Variants in MAD1L1 observed in about 807,000 individuals in gnomAD.
MAD1L1 encodes mitotic spindle assembly checkpoint protein MAD1.
Under a neutral mutation model 96.9 loss-of-function variants are expected in MAD1L1, and 95 were observed. The ratio of observed to expected loss-of-function variants is 0.98; its 90% CI spans 0.83 to 1.16. MAD1L1 has a LOEUF of 1.16. Among genes scored for constraint, MAD1L1 ranks in the 50% most tolerant of loss-of-function variants. MAD1L1 has a pLI of 0.00. For synonymous variants in MAD1L1, 473 were observed against 396.6 expected, an observed-to-expected ratio of 1.19 and a Z score of -2.29; for missense variants, 1,007 against 954.4, an observed-to-expected ratio of 1.06 and a Z score of -0.73.
intron 14 of MAD1L1, among the ~76,000 whole-genome samples, chr7:1,985,189 GC>G (rs1285177476): frequency 6.6e-6 from 1 of 152,224 alleles, no homozygotes; most frequent in Non-Finnish European, 1.5e-5. Flanking sequence ...TCAGCAGACG[GC>G]CCCGGGCAGC....
intron 10 of MAD1L1, among the ~76,000 whole-genome samples, chr7:2,180,437 C>T (rs759478511): frequency 5.3e-5 from 8 of 152,160 alleles, no homozygotes; most frequent in African/African-American, 7.2e-5. Flanking sequence ...TAAAGCATGC[C>T]GAACTTCCAG....
intron 10 of MAD1L1, among the ~76,000 whole-genome samples, chr7:2,169,692 G>C (rs544812010): frequency 1.2e-4 from 19 of 152,308 alleles, no homozygotes; most frequent in African/African-American, 4.6e-4. Flanking sequence ...AGACCCACAG[G>C]GGGCACATGG....
chr7:1,885,139 G>A (rs539502969), intron 18 of MAD1L1, among the ~76,000 whole-genome samples: 2 of 152,304 alleles, frequency 1.3e-5, no homozygotes, highest in Admixed American at 1.3e-4. Context: ...TAGCAGGACA[G>A]GGGAAGAGAA....
chr7:2,008,826 A>G (rs1782156519), intron 13 of MAD1L1, among the ~76,000 whole-genome samples: 1 of 113,444 alleles, frequency 8.8e-6, no homozygotes, highest in Admixed American at 8.7e-5. Context: ...GACACGCAGG[A>G]AGCTCAGGTG....
chr7:1,919,047 C>A (rs1389890710), intron 17 of MAD1L1, among the ~76,000 whole-genome samples: 1 of 152,262 alleles, frequency 6.6e-6, no homozygotes, highest in Non-Finnish European at 1.5e-5. Flanking sequence ...TGATCCGGCC[C>A]CTCCCCAGCA....
chr7:1,836,242 G>A (rs1782932137), intron 18 of MAD1L1, among the ~76,000 whole-genome samples: 1 of 151,916 alleles, frequency 6.6e-6, no homozygotes, highest in South Asian at 2.1e-4. Context: ...GGCTGTTCTT[G>A]AACTCCTGAT....
At chr7:2,184,800 G>A (rs191489104) in intron 10 of MAD1L1, among the ~76,000 whole-genome samples, 68 of 152,186 alleles carry the variant, frequency 4.5e-4, no homozygotes, top group Admixed American at 2.6e-3. Flanking sequence ...TCAGAAGTTC[G>A]AGACCAGCCT....
chr7:1,999,401 G>A lies in MAD1L1; in HGVS notation c.1416+2664C>T, dbSNP rs767147773. Among the ~76,000 whole-genome samples the A allele has an allele frequency of 1.2e-3, 190 of 152,146 alleles. 1 individual carries two copies. The highest frequency in any genetic ancestry group is 6.8e-3 in the Middle Eastern group (2 of 294). ...CCGCTGAGCAAAGCGTCACATCTCC[G>A]CCTCCCTCCCTCCACTGCGCTCCCC... is the stretch of plus-strand genomic sequence containing the variant. On this transcript the variant is annotated intron_variant, in intron 14 of 18. Coordinates refer to ENST00000265854, the MANE Select transcript of MAD1L1 (RefSeq NM_001013836.2).
chr7:1,860,186 G>A (rs1583579840), intron 18 of MAD1L1, among the ~76,000 whole-genome samples: 1 of 144,000 alleles, frequency 6.9e-6, no homozygotes, highest in Non-Finnish European at 1.5e-5. Context: ...GGCGGCCTCT[G>A]TGTCCCTAGA....
intron 11 of MAD1L1, among the ~76,000 whole-genome samples, chr7:2,074,214 A>G (rs1438316494): frequency 1.3e-5 from 2 of 151,946 alleles, no homozygotes; most frequent in African/African-American, 4.8e-5. Flanking sequence ...CCTCCATTCT[A>G]CTGGGGTGGG....
chr7:2,225,638 G>A (rs929322114), intron 3 of MAD1L1, 88 bp from the exon 4 acceptor site: 1 of 1,420,308 alleles, frequency 7.0e-7, no homozygotes, highest in Non-Finnish European at 9.6e-7. Context: ...CACACTCCCT[G>A]AGGACCCATT....
intron 12 of MAD1L1, among the ~76,000 whole-genome samples, chr7:2,025,532 G>GT (rs1177042683): frequency 6.6e-6 from 1 of 152,098 alleles, no homozygotes; most frequent in Non-Finnish European, 1.5e-5. Flanking sequence ...CATTAAATCT[G>GT]TATCAAAGGA....
chr7:1,848,045 G>A (rs372176338), intron 18 of MAD1L1: 11 of 338,542 alleles, frequency 3.2e-5, no homozygotes, highest in African/African-American at 1.3e-4. Context: ...GAGTCCCAGC[G>A]TGGGATGTGG....
chr7:1,959,998 A>C (rs1779886568), intron 15 of MAD1L1, among the ~76,000 whole-genome samples: 1 of 152,252 alleles, frequency 6.6e-6, no homozygotes, highest in East Asian at 1.9e-4. Flanking sequence ...GGGATTTAAT[A>C]TATAGAATAA....
chr7:2,185,482 T>C (rs1791415348), intron 10 of MAD1L1, among the ~76,000 whole-genome samples: 1 of 152,180 alleles, frequency 6.6e-6, no homozygotes, highest in South Asian at 2.1e-4. Context: ...ATCTGTCCAT[T>C]TCACTGTATG....
chr7:2,232,105 A>C (rs1340489744), intron 1 of MAD1L1, among the ~76,000 whole-genome samples: 1 of 152,084 alleles, frequency 6.6e-6, no homozygotes, highest in East Asian at 1.9e-4. Context: ...AGAACTTTGC[A>C]CCCCCAACAC....
chr7:2,122,365 C>T (rs533031795), intron 11 of MAD1L1, among the ~76,000 whole-genome samples: 3 of 152,324 alleles, frequency 2.0e-5, no homozygotes, highest in Admixed American at 6.5e-5. Context: ...CAGTGGTTCA[C>T]GCTTGTAATC....
intron 10 of MAD1L1, among the ~76,000 whole-genome samples, chr7:2,195,670 A>G (rs1791950944): frequency 6.6e-6 from 1 of 152,230 alleles, no homozygotes; most frequent in Non-Finnish European, 1.5e-5. Flanking sequence ...TCCGCGAACA[A>G]GATAGTATTG....
At chr7:1,982,224 T>A (rs1780938816) in intron 14 of MAD1L1, among the ~76,000 whole-genome samples, 1 of 151,874 alleles carries the variant, frequency 6.6e-6, no homozygotes, top group Non-Finnish European at 1.5e-5. Context: ...TAAATATACA[T>A]ATATATTCTG....
Sources: allele counts gnomAD v4.1 joint callset (sites outside exome capture counted in the v4.1 genomes callset), GRCh38; gene constraint gnomAD v4.1.1; transcripts MANE v1.5; gene names NCBI Gene and HGNC (gene_info 2026-07-23, HGNC 2026-07-21).